The following MRPL48 variants were observed in gnomAD, a reference collection of about 807,000 sequenced individuals.
MRPL48 encodes mitochondrial ribosomal protein L48, also known as large ribosomal subunit protein mL48.
MRPL48 carries 16 observed loss-of-function variants against 32.9 expected under a neutral mutation model. The observed-to-expected ratio is 0.49, with a 90% CI of 0.33 to 0.74. MRPL48 has a LOEUF of 0.74. Ranked by LOEUF, MRPL48 falls within the 30% of genes least tolerant of loss-of-function variation. MRPL48 has a pLI of 0.02. For missense variants in MRPL48, 206 were observed against 245.3 expected, an observed-to-expected ratio of 0.84 and a Z score of 1.07; for synonymous variants, 94 against 89.2, an observed-to-expected ratio of 1.05 and a Z score of -0.31.
At chr11:73,839,856 G>A (rs1400567963) in intron 4 of MRPL48, among the ~76,000 whole-genome samples, 2 of 152,196 alleles carry the variant, frequency 1.3e-5, no homozygotes, top group East Asian at 1.9e-4. Context: ...CCAGCACTTC[G>A]GGAGGCTGAG....
At chr11:73,833,710 T>C (rs1948036581) in intron 4 of MRPL48, among the ~76,000 whole-genome samples, 1 of 152,188 alleles carries the variant, frequency 6.6e-6, no homozygotes, top group Admixed American at 6.6e-5. Flanking sequence ...GGTCTTGCTC[T>C]GTTGCCCAGG....
At chr11:73,817,116 G>A (rs1947692369) in intron 3 of MRPL48, among the ~76,000 whole-genome samples, 1 of 152,152 alleles carries the variant, frequency 6.6e-6, no homozygotes, top group Admixed American at 6.6e-5. Flanking sequence ...ACAGGCATGA[G>A]CCACCATGCC....
At chr11:73,814,118 T>G (rs1488627627) in intron 3 of MRPL48, among the ~76,000 whole-genome samples, 1 of 150,456 alleles carries the variant, frequency 6.6e-6, no homozygotes, top group East Asian at 2.0e-4. Flanking sequence ...CCAGACCAGG[T>G]GTAGTGGGTT....
chr11:73,840,023 C>CAG (rs1188398400), intron 4 of MRPL48, among the ~76,000 whole-genome samples: 1 of 150,944 alleles, frequency 6.6e-6, no homozygotes. Flanking sequence ...ACTTGAGACC[C>CAG]GGAGTTCCAG....
intron 5 of MRPL48, among the ~76,000 whole-genome samples, chr11:73,852,882 G>T (rs1230912569): frequency 6.6e-6 from 1 of 152,184 alleles, no homozygotes; most frequent in Admixed American, 6.5e-5. Context: ...TAAAGAAAAT[G>T]TACATGTATA....
At chr11:73,815,900 T>A (rs1947659511) in intron 3 of MRPL48, among the ~76,000 whole-genome samples, 1 of 151,426 alleles carries the variant, frequency 6.6e-6, no homozygotes, top group South Asian at 2.1e-4. Context: ...TTATTTTTTT[T>A]TTTTTTATAG....
At chr11:73,828,597 G>C (rs1180415493) in intron 4 of MRPL48, among the ~76,000 whole-genome samples, 1 of 152,124 alleles carries the variant, frequency 6.6e-6, no homozygotes, top group African/African-American at 2.4e-5. Flanking sequence ...AACCAACAGA[G>C]ATAAGACACA....
intron 1 of MRPL48, 119 bp downstream of exon 1, chr11:73,788,111 T>A: frequency 7.0e-7 from 1 of 1,432,632 alleles, no homozygotes; most frequent in Non-Finnish European, 9.5e-7. Context: ...GATGAGACAC[T>A]GGGGCGCCCA....
intron 3 of MRPL48, among the ~76,000 whole-genome samples, chr11:73,816,707 G>A: frequency 6.6e-6 from 1 of 151,724 alleles, no homozygotes; most frequent in East Asian, 2.0e-4. Context: ...TAGGTGATCC[G>A]CCCGCCTTGG....
chr11:73,789,630 A>G (rs1406986753), intron 1 of MRPL48: 3 of 152,246 alleles, frequency 2.0e-5, no homozygotes, highest in Admixed American at 6.5e-5. Flanking sequence ...TGTAAAATGC[A>G]GATGATGCCC....
At chr11:73,864,223 T>A (rs1001523631) in intron 7 of MRPL48, 73 bp from the exon 8 acceptor site, 1 of 1,405,820 alleles carries the variant, frequency 7.1e-7, no homozygotes, top group African/African-American at 1.4e-5. Context: ...GGGCCCTTTT[T>A]GGATGCTGTG....
chr11:73,813,138 T>G (rs1947599159), intron 3 of MRPL48, among the ~76,000 whole-genome samples: 1 of 152,084 alleles, frequency 6.6e-6, no homozygotes, highest in Admixed American at 6.6e-5. Context: ...ATATGGTTAT[T>G]TGCCATTTGT....
At chr11:73,864,180 G>T in intron 7 of MRPL48, 116 bp from the exon 8 acceptor site, 1 of 823,502 alleles carries the variant, frequency 1.2e-6, no homozygotes, top group Non-Finnish European at 1.9e-6. Flanking sequence ...AAAGTTACTT[G>T]AATCTGAATG....
At chr11:73,818,692 A>G (rs1174993795) in intron 3 of MRPL48, among the ~76,000 whole-genome samples, 2 of 152,080 alleles carry the variant, frequency 1.3e-5, no homozygotes, top group Admixed American at 1.3e-4. Context: ...GGCTACCCCA[A>G]TTTTTTTCTT....
chr11:73,797,245 TCAATA>T (rs1232649869), intron 1 of MRPL48, among the ~76,000 whole-genome samples: 2 of 152,134 alleles, frequency 1.3e-5, no homozygotes, highest in Non-Finnish European at 2.9e-5. Flanking sequence ...ATTCTGCCAC[TCAATA>T]AAGCTCTTCT....
chr11:73,820,373 TAC>T (rs1947755928), intron 3 of MRPL48, among the ~76,000 whole-genome samples: 1 of 152,112 alleles, frequency 6.6e-6, no homozygotes, highest in Admixed American at 6.6e-5. Flanking sequence ...TACAGGCATG[TAC>T]CATCACACCC....
intron 1 of MRPL48, among the ~76,000 whole-genome samples, chr11:73,800,300 T>A (rs545171253): frequency 7.2e-5 from 11 of 152,198 alleles, no homozygotes; most frequent in Non-Finnish European, 1.6e-4. Context: ...TAAATAGGAC[T>A]CAATAAATGG....
intron 3 of MRPL48, among the ~76,000 whole-genome samples, chr11:73,809,549 AATTATT>A (rs901434094): frequency 6.6e-6 from 1 of 151,944 alleles, no homozygotes; most frequent in African/African-American, 2.4e-5. Context: ...TAGCAGCTGT[AATTATT>A]ATTATTATTA....
chr11:73,859,639 AC>A (rs927705435), intron 5 of MRPL48, among the ~76,000 whole-genome samples: 2 of 151,522 alleles, frequency 1.3e-5, no homozygotes, highest in African/African-American at 4.8e-5. Context: ...ATTATTAATC[AC>A]CAGGTTTTAT....
Sources: gnomAD v4.1 joint callset for allele counts (sites outside exome capture counted in the v4.1 genomes callset) on GRCh38, gnomAD v4.1.1 for gene constraint, MANE v1.5 for transcripts, NCBI Gene and HGNC (gene_info 2026-07-23, HGNC 2026-07-21) for gene names.